The following FAM83B variants were observed in gnomAD, a reference collection of about 807,000 sequenced individuals.
FAM83B encodes scaffolding CK1 anchoring protein B.
FAM83B carries 26 observed loss-of-function variants against 38.8 expected under a neutral mutation model. That is an observed-to-expected ratio of 0.67 (90% CI 0.49 to 0.93). The LOEUF is 0.93. Ranked by LOEUF, FAM83B falls within the 40% of genes least tolerant of loss-of-function variation. The probability of loss-of-function intolerance (pLI) is 0.00; values close to 1 mark genes in which losing one functional copy is unlikely to be tolerated. For missense variants in FAM83B, 1,237 were observed against 1,197.3 expected (o/e 1.03, Z -0.49); for synonymous variants, 419 against 423.1 (o/e 0.99, Z 0.12).
At chr6:54,913,366 C>G (rs1227882646) in intron 2 of FAM83B, among the ~76,000 whole-genome samples, 1 of 152,106 alleles carries the variant, frequency 6.6e-6, no homozygotes, top group Non-Finnish European at 1.5e-5. Context: ...CCATGTGCTA[C>G]TGCTCTAACA....
intron 2 of FAM83B, among the ~76,000 whole-genome samples, chr6:54,920,048 T>C (rs1773136261): frequency 6.6e-6 from 1 of 151,946 alleles, no homozygotes; most frequent in Non-Finnish European, 1.5e-5. Context: ...TGTAAAGCTG[T>C]AAGTTACTAA....
intron 1 of FAM83B, among the ~76,000 whole-genome samples, chr6:54,853,728 C>A (rs1771367269): frequency 6.6e-6 from 1 of 152,206 alleles, no homozygotes; most frequent in East Asian, 1.9e-4. Context: ...ATGTTGTTTT[C>A]ATGCCTTCTG....
intron 1 of FAM83B, among the ~76,000 whole-genome samples, chr6:54,860,091 A>T (rs766902395): frequency 6.6e-6 from 1 of 151,728 alleles, no homozygotes; most frequent in African/African-American, 2.4e-5. Flanking sequence ...TTTTTGGGTG[A>T]ATTTTCTCCA....
chr6:54,940,058 G>A lies in FAM83B; in HGVS notation c.1087G>A (p.Val363Ile), dbSNP rs1773626589. The change falls in exon 5 of 5, where the codon GTT becomes ATT. Residue 363 changes from valine to isoleucine, a missense_variant. Physicochemically the swap from Val to Ile is conservative, Grantham distance 29 (BLOSUM62 3). Transcript: ENST00000306858. ...IRSHGYKPHF[V>I]PNFNGPNAIR... ...AAGTCACGGATACAAACCTCATTTT[G>A]TTCCTAACTTTAATGGTCCAAACGC... The A allele has an allele frequency of 1.2e-6, 2 of 1,613,818 alleles. No individual in the cohort carries two copies. Among genetic ancestry groups the A allele is most frequent in the Non-Finnish European group, 1.7e-6 (2 of 1,179,958 alleles).
At position 54,862,430 on chromosome 6, in the gene FAM83B, A is replaced by G. The variant is rs530317531; in HGVS notation, c.-60-7757A>G. Among the ~76,000 whole-genome samples, 244 of 152,296 alleles carry G rather than the reference A, an allele frequency of 1.6e-3. 1 individual carries two copies. The highest frequency in any genetic ancestry group is 2.6e-4 in the Non-Finnish European group (18 of 68,020). On this transcript the variant is annotated intron_variant, in intron 1 of 4. Coordinates refer to ENST00000306858, the MANE Select transcript of FAM83B (RefSeq NM_001010872.3). ...GGAAGTAACCCTTGCTGAGGAAGCT[A>G]GGACTGTGGGAAGGACACTAGATGG...
At chr6:54,856,183 C>G (rs1328832404) in intron 1 of FAM83B, among the ~76,000 whole-genome samples, 2 of 152,102 alleles carry the variant, frequency 1.3e-5, no homozygotes, top group African/African-American at 4.8e-5. Context: ...GTGGAAAAAG[C>G]AAGATTTACT....
rs767443255 is a variant in FAM83B, at chr6:54,944,265, T to C, written c.*2258T>C. ...GTGGATGAAATAGTTTTAAGCCATATACTTTCTGTCTTTTTTTCCCCATAT... is the reference window on the plus strand; with the variant it reads ...GTGGATGAAATAGTTTTAAGCCATACACTTTCTGTCTTTTTTTCCCCATAT... On this transcript the variant is annotated 3_prime_UTR_variant, in exon 5 of 5. Coordinates refer to ENST00000306858, the MANE Select transcript of FAM83B (RefSeq NM_001010872.3). 5.3e-5 allele frequency: 8 copies of C among 152,320 alleles called. No homozygotes were observed. The highest frequency in any genetic ancestry group is 1.3e-4 in the Admixed American group (2 of 15,304). The allele number at this position is 152,320 out of a possible 1,614,324, so 9.4% of individuals were successfully genotyped here.
At chr6:54,879,902 C>G (rs57177549) in intron 2 of FAM83B, among the ~76,000 whole-genome samples, 1,633 of 152,186 alleles carry the variant, frequency 0.011, 33 homozygotes, top group African/African-American at 0.037. Flanking sequence ...AATGTCTTTT[C>G]AAGGGGAAAA....
At chr6:54,910,608 C>G (rs1412071933) in intron 2 of FAM83B, among the ~76,000 whole-genome samples, 1 of 152,142 alleles carries the variant, frequency 6.6e-6, no homozygotes, top group African/African-American at 2.4e-5. Flanking sequence ...TTCTCTTGCT[C>G]CCTCACTCCT....
chr6:54,906,664 G>GT (rs1357902161), intron 2 of FAM83B, among the ~76,000 whole-genome samples: 2 of 152,034 alleles, frequency 1.3e-5, no homozygotes, highest in Non-Finnish European at 2.9e-5. Flanking sequence ...GATTACAGGC[G>GT]TGAACCACCA....
At chr6:54,882,526 T>C (rs1279027409) in intron 2 of FAM83B, among the ~76,000 whole-genome samples, 1 of 152,144 alleles carries the variant, frequency 6.6e-6, no homozygotes, top group Non-Finnish European at 1.5e-5. Flanking sequence ...GGGCTTACCA[T>C]TATGGTGTAT....
At chr6:54,860,319 A>T (rs558028016) in intron 1 of FAM83B, among the ~76,000 whole-genome samples, 2 of 152,278 alleles carry the variant, frequency 1.3e-5, no homozygotes, top group African/African-American at 4.8e-5. Flanking sequence ...ACTTGCTGAG[A>T]CAGGGATGTG....
intron 1 of FAM83B, among the ~76,000 whole-genome samples, chr6:54,865,706 C>T (rs1155748): frequency 0.89 from 134,793 of 152,074 alleles, 60,440 homozygotes; most frequent in East Asian, 1. Context: ...TTTAAAAAAG[C>T]TGTAATTTCT....
At chr6:54,847,507 AAAG>A (rs1771169736) in intron 1 of FAM83B, among the ~76,000 whole-genome samples, 2 of 152,088 alleles carry the variant, frequency 1.3e-5, no homozygotes, top group African/African-American at 4.8e-5. Flanking sequence ...TGTACCTACC[AAAG>A]TTTGAGAACC....
chr6:54,924,910 C>A (rs920915610), intron 2 of FAM83B, among the ~76,000 whole-genome samples: 1 of 152,054 alleles, frequency 6.6e-6, no homozygotes, highest in Non-Finnish European at 1.5e-5. Context: ...ACACAGTAGC[C>A]AGAACAATCC....
At chr6:54,894,663 T>G (rs1357298543) in intron 2 of FAM83B, among the ~76,000 whole-genome samples, 2 of 152,184 alleles carry the variant, frequency 1.3e-5, no homozygotes, top group African/African-American at 2.4e-5. Flanking sequence ...TTTACTGGAA[T>G]AGAATACAAA....
chr6:54,938,684 A>G (rs536536537), intron 4 of FAM83B, among the ~76,000 whole-genome samples: 1 of 151,940 alleles, frequency 6.6e-6, no homozygotes, highest in African/African-American at 2.4e-5. Context: ...AGAATTGTCT[A>G]TTCATGTCTT....
Position 54,926,548 on chromosome 6 carries a change from T to G in FAM83B, c.609+13T>G, listed in dbSNP as rs778744274. 2.1e-6 allele frequency: 3 copies of G among 1,453,198 alleles called. No homozygotes were observed. Among genetic ancestry groups the G allele is most frequent in the Non-Finnish European group, 2.8e-6 (3 of 1,082,736 alleles). The allele number at this position is 1,453,198 out of a possible 1,614,324, so 90.0% of individuals were successfully genotyped here. On this transcript the variant is annotated intron_variant, in intron 3 of 4. Coordinates refer to ENST00000306858, the MANE Select transcript of FAM83B (RefSeq NM_001010872.3). The stretch of plus-strand genomic sequence containing the variant: ...TCAGCGTCTCAGGGTAAGAATTCTG[T>G]TTTTTTTTTCCTCAAGTATTTTATG...
intron 4 of FAM83B, among the ~76,000 whole-genome samples, chr6:54,928,420 C>T (rs534378465): frequency 2.6e-5 from 4 of 152,186 alleles, no homozygotes; most frequent in East Asian, 3.9e-4. Context: ...TAGTTTGCTC[C>T]GCTATAAAAT....
Sources: gnomAD v4.1 joint callset for allele counts (sites outside exome capture counted in the v4.1 genomes callset) on GRCh38, gnomAD v4.1.1 for gene constraint, MANE v1.5 for transcripts, NCBI Gene and HGNC (gene_info 2026-07-23, HGNC 2026-07-21) for gene names.